IGF1R: variants seen among roughly 807,000 people sequenced by gnomAD.
IGF1R encodes the protein insulin-like growth factor 1 receptor.
In IGF1R, 44 loss-of-function variants were observed where a neutral mutation model predicts 144.6. That is an observed-to-expected ratio of 0.30 (90% CI 0.24 to 0.39). IGF1R has a LOEUF of 0.39. Among genes scored for constraint, IGF1R ranks in the 10% least tolerant of loss-of-function variants. IGF1R has a pLI of 1.00. For synonymous variants in IGF1R, 795 were observed against 722.8 expected (o/e 1.10, Z -1.60); for missense variants, 1,355 against 1,833.7 (o/e 0.74, Z 4.77).
At chr15:98,724,281 C>T (rs978406504) in intron 2 of IGF1R, among the ~76,000 whole-genome samples, 1 of 152,146 alleles carries the variant, frequency 6.6e-6, no homozygotes, top group Non-Finnish European at 1.5e-5. Flanking sequence ...CTCAACTTTT[C>T]TGATTTGTGT....
chr15:98,902,194 T>TG (rs1273532872), intron 5 of IGF1R, among the ~76,000 whole-genome samples: 1 of 152,106 alleles, frequency 6.6e-6, no homozygotes, highest in Non-Finnish European at 1.5e-5. Flanking sequence ...TAGGAGCGTT[T>TG]GGGGTTAGGA....
At chr15:98,799,910 T>TCAC (rs1257250374) in intron 2 of IGF1R, among the ~76,000 whole-genome samples, 14 of 152,252 alleles carry the variant, frequency 9.2e-5, no homozygotes, top group African/African-American at 3.4e-4. Context: ...ATGTATCAAT[T>TCAC]CACCGGAAGA....
At position 98,891,415 on chromosome 15, in the gene IGF1R, A is replaced by G. The variant is rs146427969; in HGVS notation, c.731A>G (p.Asn244Ser). Residue 244 changes from asparagine (N) to serine (S), a missense_variant, in exon 3 of 21, where the codon AAC (asparagine) becomes AGC (serine). Around this residue, in one of 7 missense-constraint regions of IGF1R, gnomAD observed 880 missense variants for 1,202.7 expected, o/e 0.73. Coordinates refer to ENST00000650285, the MANE Select transcript of IGF1R (RefSeq NM_000875.5). This position sits in a 1 kb window ranked among gnomAD's most constrained non-coding sequence, Gnocchi z 4.7. ...CTGGGCAGCTGCAGCGCGCCTGACA[A>G]CGACACGGCCTGTGTAGCTTGCCGC... is the stretch of plus-strand genomic sequence containing the variant. ...ECLGSCSAPDNDTACVACRHY... is the reference protein window; with the variant it reads ...ECLGSCSAPDSDTACVACRHY... 1.5e-5 allele frequency: 24 copies of G among 1,613,348 alleles called. No homozygotes were observed. In the African/African-American group the frequency reaches 2.5e-4, roughly 17 times the overall value.
intron 2 of IGF1R, among the ~76,000 whole-genome samples, chr15:98,840,206 CAG>C (rs1367308167): frequency 1.3e-5 from 2 of 152,154 alleles, no homozygotes; most frequent in East Asian, 1.9e-4. Context: ...GGCATTCCAG[CAG>C]AGTGTGTTAC....
At chr15:98,821,997 T>A (rs2056811953) in intron 2 of IGF1R, among the ~76,000 whole-genome samples, 1 of 152,216 alleles carries the variant, frequency 6.6e-6, no homozygotes, top group South Asian at 2.1e-4. Flanking sequence ...TACTTGTAGG[T>A]ATGTTGTCAA....
intron 2 of IGF1R, among the ~76,000 whole-genome samples, chr15:98,803,895 TATTATC>T (rs1451309166): frequency 2.0e-5 from 3 of 152,364 alleles, no homozygotes; most frequent in East Asian, 1.9e-4. Flanking sequence ...CATAGTCACT[TATTATC>T]ATTATCACAT....
chr15:98,901,691 A>G (rs2014490271), intron 5 of IGF1R, among the ~76,000 whole-genome samples: 1 of 152,242 alleles, frequency 6.6e-6, no homozygotes, highest in African/African-American at 2.4e-5. Flanking sequence ...AGGGAAAGAA[A>G]GAAATGTGCC....
intron 2 of IGF1R, among the ~76,000 whole-genome samples, chr15:98,888,628 A>T (rs1184535118): frequency 1.3e-5 from 2 of 152,170 alleles, no homozygotes; most frequent in Admixed American, 1.3e-4. Context: ...CTTGTGGGTT[A>T]GATTAGTTTT....
chr15:98,962,141 A>G lies in IGF1R; in HGVS notation c.*4699A>G, dbSNP rs765547721. ...GATCACACTGAGATCGATGGGTGAG[A>G]AGGCTAGGATGCTTGTCTAGTGTTC... On this transcript the variant is annotated 3_prime_UTR_variant, in exon 21 of 21. Coordinates refer to ENST00000650285, the MANE Select transcript of IGF1R (RefSeq NM_000875.5). 1.7e-4 allele frequency: 39 copies of G among 233,152 alleles called. No individual in the cohort carries two copies. The highest frequency in any genetic ancestry group is 2.8e-4 in the Non-Finnish European group (33 of 118,062). The allele number at this position is 233,152 out of a possible 1,614,324, so 14.4% of individuals were successfully genotyped here. A position where few individuals can be genotyped will look rare whatever the true frequency, so the allele number is the denominator to read the frequency against.
chr15:98,820,455 C>T (rs2056781028), intron 2 of IGF1R, among the ~76,000 whole-genome samples: 1 of 152,112 alleles, frequency 6.6e-6, no homozygotes, highest in Admixed American at 6.5e-5. Context: ...AACTTTTTCT[C>T]AATACTCAGG....
Position 98,872,452 on chromosome 15 carries a change from A to T in IGF1R, c.641-18873A>T, listed in dbSNP as rs1481576393. On this transcript the variant is annotated intron_variant, in intron 2 of 20. Coordinates refer to ENST00000650285, the MANE Select transcript of IGF1R (RefSeq NM_000875.5). ...TAATGCGAGACTGGACATCTCTCCT[A>T]CCCCATGTACACTTCAGCTGAGCAG... Among the ~76,000 whole-genome samples, 4 of 152,194 alleles carry T rather than the reference A, an allele frequency of 2.6e-5. No homozygotes were observed. In the East Asian group the frequency reaches 7.7e-4, roughly 29 times the overall value.
At chr15:98,684,073 T>C (rs1020174563) in intron 1 of IGF1R, among the ~76,000 whole-genome samples, 2 of 152,198 alleles carry the variant, frequency 1.3e-5, no homozygotes, top group Non-Finnish European at 2.9e-5. Context: ...AGCCAGTTGT[T>C]AAATCACTTT....
chr15:98,854,323 C>T (rs1033660942), intron 2 of IGF1R, among the ~76,000 whole-genome samples: 9 of 152,116 alleles, frequency 5.9e-5, no homozygotes, highest in African/African-American at 1.9e-4. Flanking sequence ...GCTTTCGCCA[C>T]AGTGAGCCTG....
chr15:98,895,975 TCTG>T (rs1567183357), intron 3 of IGF1R, among the ~76,000 whole-genome samples: 3 of 152,254 alleles, frequency 2.0e-5, no homozygotes, highest in Non-Finnish European at 2.9e-5. Flanking sequence ...TAGCATTTTG[TCTG>T]CTATTTCCTA....
Position 98,707,207 on chromosome 15 carries a change from T to A in IGF1R, c.95-355T>A, listed in dbSNP as rs2053886557. 1.3e-5 allele frequency among the ~76,000 whole-genome samples: 2 copies of A among 151,978 alleles called. No homozygotes were observed. Among genetic ancestry groups the A allele is most frequent in the Non-Finnish European group, 2.9e-5 (2 of 67,982 alleles). On this transcript the variant is annotated intron_variant, in intron 1 of 20. Coordinates refer to ENST00000650285, the MANE Select transcript of IGF1R (RefSeq NM_000875.5). This position sits in a 1 kb window ranked among gnomAD's most constrained non-coding sequence, Gnocchi z 6.7. ...GACGCTCTGCAGAACGGACCAGGAG[T>A]GTGCGGTGGTGGAGTCCGGCTGGCC... is the stretch of plus-strand genomic sequence containing the variant.
chr15:98,669,809 C>T (rs1287909397), intron 1 of IGF1R, among the ~76,000 whole-genome samples: 1 of 152,164 alleles, frequency 6.6e-6, no homozygotes, highest in Non-Finnish European at 1.5e-5. Context: ...GTCTGCCTGG[C>T]AAGGGGGCTG....
chr15:98,946,113 T>A (rs552700216), intron 19 of IGF1R, among the ~76,000 whole-genome samples: 1 of 151,356 alleles, frequency 6.6e-6, no homozygotes, highest in African/African-American at 2.4e-5. Context: ...CAGTTTGGGG[T>A]TGCATCATCT....
intron 2 of IGF1R, among the ~76,000 whole-genome samples, chr15:98,787,796 C>CT (rs1157009719): frequency 1.3e-5 from 2 of 152,158 alleles, no homozygotes; most frequent in African/African-American, 4.8e-5. Flanking sequence ...AATTGGAACA[C>CT]TCAGCTGGAG....
At position 98,961,357 on chromosome 15, in the gene IGF1R, A is replaced by G. The variant is rs533033877; in HGVS notation, c.*3915A>G. 4.3e-6 allele frequency: 1 copy of G among 233,588 alleles called. No homozygotes were observed. The highest frequency in any genetic ancestry group is 6.0e-5 in the East Asian group (1 of 16,570). 14.5% of individuals were successfully genotyped at this position (233,588 alleles called of 1,614,324 possible). A position where few individuals can be genotyped will look rare whatever the true frequency, so the allele number is the denominator to read the frequency against. ...TGTAGGTAGCTTTTAAGTAGAAAAC[A>G]CTAACAGTGTAGTGCCCATCATAGC... On this transcript the variant is annotated 3_prime_UTR_variant, in exon 21 of 21. Transcript: ENST00000650285.
Sources: gnomAD v4.1 joint callset for allele counts (sites outside exome capture counted in the v4.1 genomes callset) on GRCh38, gnomAD v4.1.1 for gene constraint, gnomAD v4.1.1 regional missense constraint, Gnocchi (gnomAD v3.1) non-coding constraint, MANE v1.5 for transcripts, NCBI Gene and HGNC (gene_info 2026-07-23, HGNC 2026-07-21) for gene names.